The following ZDHHC5 variants were observed in gnomAD, a reference collection of about 807,000 sequenced individuals.
ZDHHC5 encodes palmitoyltransferase ZDHHC5.
In ZDHHC5, 22 loss-of-function variants were observed where a neutral mutation model predicts 70.0. The ratio of observed to expected loss-of-function variants is 0.31; its 90% CI spans 0.22 to 0.45. The LOEUF is 0.45. Ranked by LOEUF, ZDHHC5 falls within the 20% of genes least tolerant of loss-of-function variation. The pLI is 1.00. For missense variants in ZDHHC5, 746 were observed against 926.9 expected (o/e 0.80, Z 2.53); for synonymous variants, 313 against 347.8 (o/e 0.90, Z 1.11).
intron 6 of ZDHHC5, among the ~76,000 whole-genome samples, chr11:57,691,181 C>T (rs1324924780): frequency 6.6e-6 from 1 of 152,074 alleles, no homozygotes; most frequent in Non-Finnish European, 1.5e-5. Flanking sequence ...AAGCGATTCT[C>T]CTGCCTCAGG....
At chr11:57,690,261 G>C in intron 5 of ZDHHC5, 58 bp downstream of exon 5, 1 of 1,613,580 alleles carries the variant, frequency 6.2e-7, no homozygotes, top group Admixed American at 1.7e-5. Context: ...GAGGGCTAAA[G>C]GGAAAATGGC....
At chr11:57,689,677 ATT>A (rs10561191) in intron 4 of ZDHHC5, among the ~76,000 whole-genome samples, 11,227 of 135,448 alleles carry the variant, frequency 0.083, 862 homozygotes, top group African/African-American at 0.21. Context: ...CGCCCGGCCA[ATT>A]TTTTTTTTTT....
At chr11:57,696,713 C>CA (rs1243915531) in intron 9 of ZDHHC5, 48 bp from the exon 10 acceptor site, 4 of 1,575,776 alleles carry the variant, frequency 2.5e-6, no homozygotes, top group East Asian at 4.5e-5. Context: ...TCTCTTAAAC[C>CA]AAAAAACCGC....
chr11:57,689,671 C>A (rs986075637), intron 4 of ZDHHC5, among the ~76,000 whole-genome samples: 1 of 146,796 alleles, frequency 6.8e-6, no homozygotes, highest in Admixed American at 6.9e-5. Flanking sequence ...CCACCGCGCC[C>A]GGCCAATTTT....
rs1376868024 is a variant in ZDHHC5, at chr11:57,671,769, A to AT, written c.-1070-252_-1070-251insT. On this transcript the variant is annotated intron_variant, in intron 1 of 11. Coordinates refer to ENST00000287169, the MANE Select transcript of ZDHHC5 (RefSeq NM_015457.3). The stretch of plus-strand genomic sequence containing the variant: ...ATGTCAGGTGAGATGGGCCCCTTAC[A>AT]AGAGCTAGTCCTTTGATGTCCTTTG... Among the ~76,000 whole-genome samples, 4 of 152,176 alleles carry AT rather than the reference A, an allele frequency of 2.6e-5. No homozygotes were observed. In the East Asian group the frequency reaches 7.7e-4, roughly 29 times the overall value.
chr11:57,671,072 A>G (rs1215958768), intron 1 of ZDHHC5, among the ~76,000 whole-genome samples: 3 of 152,146 alleles, frequency 2.0e-5, no homozygotes, highest in Non-Finnish European at 2.9e-5. Context: ...CTGGGCAGGT[A>G]GTGGATGAAA....
intron 6 of ZDHHC5, among the ~76,000 whole-genome samples, chr11:57,692,011 CAG>C (rs1246814713): frequency 1.3e-5 from 2 of 151,006 alleles, no homozygotes; most frequent in Middle Eastern, 3.2e-3. Flanking sequence ...TTTTTTGAGA[CAG>C]AGTATCGCTT....
At chr11:57,684,126 C>T (rs1437743601) in intron 3 of ZDHHC5, among the ~76,000 whole-genome samples, 1 of 152,072 alleles carries the variant, frequency 6.6e-6, no homozygotes, top group Admixed American at 6.6e-5. Flanking sequence ...GCGCGGGCCA[C>T]CACACACAGC....
intron 10 of ZDHHC5, among the ~76,000 whole-genome samples, chr11:57,698,236 G>A (rs985816696): frequency 1.3e-5 from 2 of 152,098 alleles, no homozygotes; most frequent in Non-Finnish European, 2.9e-5. Flanking sequence ...GTTGGCATTC[G>A]TGGAACTCAA....
rs1590874284 is a variant in ZDHHC5 at position 57,699,374 on chromosome 11, C to G, written c.1938C>G (p.Val646=). The G allele has an allele frequency of 6.2e-7, 1 of 1,600,326 alleles. No individual in the cohort carries two copies. The highest frequency in any genetic ancestry group is 1.3e-5 in the African/African-American group (1 of 74,584). The change falls in exon 11 of 12, where the codon GTC becomes GTG. Residue 646 remains valine (V), a synonymous_variant. Coordinates refer to ENST00000287169, the MANE Select transcript of ZDHHC5 (RefSeq NM_015457.3). ...GCAGCCAAAAAGCCCAACCTGGTGT[C>G]TCTGAGACAGAAGAAGTGGCCTTGC... ...SYSSQKAQPG[V]SETEEVALQP... is the part of the protein sequence containing the mutation.
In ZDHHC5 at chr11:57,698,620, G is replaced by A. The variant is rs754502306; in HGVS notation, c.1184G>A (p.Ser395Asn). 1.2e-6 allele frequency: 2 copies of A among 1,614,060 alleles called. No homozygotes were observed. The highest frequency in any genetic ancestry group is 1.7e-6 in the Non-Finnish European group (2 of 1,179,978). The change falls in exon 11 of 12, where the codon AGC becomes AAC. Residue 395 changes from serine to asparagine, a missense_variant. This residue lies in a region of ZDHHC5 where 179 missense variants were observed against 178.4 expected (regional missense o/e 1.00). Coordinates refer to ENST00000287169, the MANE Select transcript of ZDHHC5 (RefSeq NM_015457.3). ...TSIAESSRHP[S>N]YRSEPSLEPE... is the part of the protein sequence containing the mutation. ...ATTGCAGAGAGCAGCCGTCACCCCAGCTACCGCTCAGAGCCCAGCTTGGAA... is the reference window on the plus strand; with the variant it reads ...ATTGCAGAGAGCAGCCGTCACCCCAACTACCGCTCAGAGCCCAGCTTGGAA...
intron 2 of ZDHHC5, among the ~76,000 whole-genome samples, chr11:57,678,304 A>G (rs1946099320): frequency 6.6e-6 from 1 of 152,116 alleles, no homozygotes; most frequent in Non-Finnish European, 1.5e-5. Flanking sequence ...CAAGCCAGCT[A>G]GTTTAAAAAG....
chr11:57,671,989 A>G (rs1946012535), intron 1 of ZDHHC5, 32 bp from the exon 2 acceptor site: 1 of 360,806 alleles, frequency 2.8e-6, no homozygotes, highest in Non-Finnish European at 4.9e-6. Flanking sequence ...CCCTGAAAGA[A>G]TTCTCTGATA....
intron 2 of ZDHHC5, among the ~76,000 whole-genome samples, chr11:57,675,567 G>A (rs1946061258): frequency 6.6e-6 from 1 of 152,190 alleles, no homozygotes. Context: ...AAAGTTAGAA[G>A]AACCCTAAGT....
chr11:57,686,040 C>G (rs1946204555), intron 3 of ZDHHC5, among the ~76,000 whole-genome samples: 3 of 152,092 alleles, frequency 2.0e-5, no homozygotes, highest in African/African-American at 7.2e-5. Context: ...AAACAAAAAA[C>G]AAATACATTG....
chr11:57,695,768 C>T (rs1350189274), intron 8 of ZDHHC5, 152 bp from the exon 9 acceptor site: 20 of 1,063,134 alleles, frequency 1.9e-5, no homozygotes, highest in Non-Finnish European at 2.6e-5. Flanking sequence ...TGTACTCCAG[C>T]CTGGTCAACA....
At chr11:57,674,328 T>G (rs906500290) in intron 2 of ZDHHC5, among the ~76,000 whole-genome samples, 5 of 152,014 alleles carry the variant, frequency 3.3e-5, no homozygotes, top group Non-Finnish European at 7.4e-5. Flanking sequence ...TTTTTTTTTT[T>G]TTTTATTAAG....
chr11:57,670,097 T>A (rs1945985725), intron 1 of ZDHHC5, among the ~76,000 whole-genome samples: 1 of 152,228 alleles, frequency 6.6e-6, no homozygotes, highest in South Asian at 2.1e-4. Context: ...AGTATCTAAA[T>A]GATATTCTAC....
At chr11:57,683,703 C>G (rs1485134686) in intron 3 of ZDHHC5, among the ~76,000 whole-genome samples, 1 of 152,130 alleles carries the variant, frequency 6.6e-6, no homozygotes, top group Non-Finnish European at 1.5e-5. Context: ...TTTGAAACAA[C>G]AGGAGTAAGA....
Sources: allele counts gnomAD v4.1 joint callset (sites outside exome capture counted in the v4.1 genomes callset), GRCh38; gene constraint gnomAD v4.1.1; regional missense constraint gnomAD v4.1.1; transcripts MANE v1.5; gene names NCBI Gene and HGNC (gene_info 2026-07-23, HGNC 2026-07-21).